The following GABRB1 variants were observed in gnomAD, a reference collection of about 807,000 sequenced individuals.
The protein encoded by GABRB1 is gamma-aminobutyric acid receptor subunit beta-1.
Under a neutral mutation model 51.6 loss-of-function variants are expected in GABRB1, and 17 were observed. That is an observed-to-expected ratio of 0.33 (90% CI 0.23 to 0.49). The LOEUF (loss-of-function observed/expected upper bound fraction) is 0.49. Among genes scored for constraint, GABRB1 ranks in the 20% least tolerant of loss-of-function variants. The pLI, the probability that GABRB1 is intolerant of heterozygous loss-of-function variation, is 0.99. For missense variants in GABRB1, 410 were observed against 600.6 expected, an observed-to-expected ratio of 0.68 and a Z score of 3.32; for synonymous variants, 247 against 218.9, an observed-to-expected ratio of 1.13 and a Z score of -1.14.
At chr4:47,120,095 G>T (rs1715703453) in intron 3 of GABRB1, among the ~76,000 whole-genome samples, 1 of 151,988 alleles carries the variant, frequency 6.6e-6, no homozygotes. Context: ...TAAATTTTAA[G>T]TCAAAAACTA....
intron 3 of GABRB1, among the ~76,000 whole-genome samples, chr4:47,130,623 T>C (rs1716371792): frequency 6.6e-6 from 1 of 152,136 alleles, no homozygotes; most frequent in Non-Finnish European, 1.5e-5. Context: ...TACAGAGGAA[T>C]AGTACCTCTC....
At chr4:47,080,438 G>A (rs1397858975) in intron 3 of GABRB1, among the ~76,000 whole-genome samples, 1 of 152,104 alleles carries the variant, frequency 6.6e-6, no homozygotes, top group Non-Finnish European at 1.5e-5. Flanking sequence ...GTAGGTGTTA[G>A]GACAGTGAGA....
In GABRB1 at chr4:47,185,652, C is replaced by G. The variant is rs140407497; in HGVS notation, c.461+24183C>G. The stretch of plus-strand genomic sequence containing the variant: ...CTAGTTTTTCCTATTACCTGTGAAA[C>G]TTTAAATATTCAATCTCCTAGTGCT... On this transcript the variant is annotated intron_variant, in intron 4 of 8. Transcript: ENST00000295454. Among the ~76,000 whole-genome samples, 410 of 151,934 alleles carry G rather than the reference C, an allele frequency of 2.7e-3. 2 individuals are homozygous for G. Among genetic ancestry groups the G allele is most frequent in the African/African-American group, 9.3e-3 (387 of 41,514 alleles).
At chr4:47,084,810 G>A (rs1727996981) in intron 3 of GABRB1, among the ~76,000 whole-genome samples, 1 of 152,156 alleles carries the variant, frequency 6.6e-6, no homozygotes, top group Non-Finnish European at 1.5e-5. Flanking sequence ...CCTTAAAGAT[G>A]AGGCAAGGAT....
chr4:47,224,702 A>G (rs1720888302), intron 4 of GABRB1, among the ~76,000 whole-genome samples: 1 of 152,150 alleles, frequency 6.6e-6, no homozygotes, highest in Non-Finnish European at 1.5e-5. Context: ...AAGCCATTTA[A>G]AAGACAGCTC....
chr4:47,387,653 C>T (rs1727845943), intron 5 of GABRB1, among the ~76,000 whole-genome samples: 2 of 152,114 alleles, frequency 1.3e-5, no homozygotes. Context: ...AATGGAAGAC[C>T]AGTGACTAGA....
At chr4:47,241,468 T>C (rs559855917) in intron 4 of GABRB1, among the ~76,000 whole-genome samples, 2 of 152,210 alleles carry the variant, frequency 1.3e-5, no homozygotes, top group Non-Finnish European at 2.9e-5. Flanking sequence ...TGGCACACCA[T>C]AGACATGTTC....
chr4:47,134,163 G>C (rs1716541603), intron 3 of GABRB1, among the ~76,000 whole-genome samples: 1 of 152,094 alleles, frequency 6.6e-6, no homozygotes, highest in East Asian at 1.9e-4. Context: ...TTAGGATATT[G>C]CTACCAAAAG....
At chr4:47,273,364 AG>A (rs1722948476) in intron 4 of GABRB1, among the ~76,000 whole-genome samples, 1 of 152,194 alleles carries the variant, frequency 6.6e-6, no homozygotes, top group African/African-American at 2.4e-5. Context: ...TTAAGCTTGG[AG>A]TCAGACATTT....
chr4:47,353,784 C>A (rs1726451073), intron 5 of GABRB1, among the ~76,000 whole-genome samples: 1 of 152,186 alleles, frequency 6.6e-6, no homozygotes, highest in African/African-American at 2.4e-5. Context: ...ATTCCCATAA[C>A]CAGTAGTAAC....
chr4:47,175,184 T>TTC (rs942454427), intron 4 of GABRB1, among the ~76,000 whole-genome samples: 3 of 151,156 alleles, frequency 2.0e-5, no homozygotes, highest in African/African-American at 7.3e-5. Flanking sequence ...TTTCTTTTCT[T>TTC]TCTCTCTCTC....
At chr4:47,030,962 T>C (rs1055461734), upstream of GABRB1, among the ~76,000 whole-genome samples, 12 of 151,916 alleles carry the variant, frequency 7.9e-5, no homozygotes, top group African/African-American at 2.9e-4. Flanking sequence ...AAAAGTGGGG[T>C]GGAAGAAAAG....
chr4:47,307,666 C>T (rs1724518415), intron 4 of GABRB1, among the ~76,000 whole-genome samples: 1 of 151,918 alleles, frequency 6.6e-6, no homozygotes, highest in Non-Finnish European at 1.5e-5. Context: ...AATAAGACAA[C>T]AGCAAAGTTA....
chr4:47,256,563 G>T (rs906637617), intron 4 of GABRB1, among the ~76,000 whole-genome samples: 4 of 152,196 alleles, frequency 2.6e-5, no homozygotes, highest in African/African-American at 4.8e-5. Flanking sequence ...AAGAAAAAAG[G>T]TTTAATTGGT....
At chr4:47,079,048 A>T (rs902317243) in intron 3 of GABRB1, among the ~76,000 whole-genome samples, 1 of 152,210 alleles carries the variant, frequency 6.6e-6, no homozygotes, top group Non-Finnish European at 1.5e-5. Flanking sequence ...GTCGATGTTC[A>T]TCAGGGATAT....
chr4:47,341,647 A>G (rs1349324130), intron 5 of GABRB1, among the ~76,000 whole-genome samples: 1 of 152,214 alleles, frequency 6.6e-6, no homozygotes, highest in African/African-American at 2.4e-5. Context: ...ATGAGAAATT[A>G]TAGAATTTTT....
intron 4 of GABRB1, among the ~76,000 whole-genome samples, chr4:47,242,221 C>A (rs368241714): frequency 6.6e-6 from 1 of 152,116 alleles, no homozygotes; most frequent in Non-Finnish European, 1.5e-5. Context: ...TGAACTCATC[C>A]TTTCTTATGG....
At chr4:47,208,690 G>A (rs189600293) in intron 4 of GABRB1, among the ~76,000 whole-genome samples, 16 of 152,144 alleles carry the variant, frequency 1.1e-4, no homozygotes, top group Admixed American at 1.0e-3. Context: ...TCATGGAGAG[G>A]TTGATGTGAT....
At chr4:47,112,354 C>T (rs1372999657) in intron 3 of GABRB1, among the ~76,000 whole-genome samples, 3 of 152,192 alleles carry the variant, frequency 2.0e-5, no homozygotes, top group South Asian at 4.1e-4. Context: ...ATCCGACTGC[C>T]TCAGCCTCCC....
Sources: gnomAD v4.1 joint callset for allele counts (sites outside exome capture counted in the v4.1 genomes callset) on GRCh38, gnomAD v4.1.1 for gene constraint, MANE v1.5 for transcripts, NCBI Gene and HGNC (gene_info 2026-07-23, HGNC 2026-07-21) for gene names.